The following ASTN2 variants were observed in gnomAD, a reference collection of about 807,000 sequenced individuals.
ASTN2 encodes the protein astrotactin-2.
In ASTN2, 54 loss-of-function variants were observed where a neutral mutation model predicts 139.8. The ratio of observed to expected loss-of-function variants is 0.39; its 90% CI spans 0.31 to 0.48. The LOEUF (loss-of-function observed/expected upper bound fraction) is 0.48, where lower values mean the gene tolerates loss of function less well. ASTN2 is among the 20% of genes least tolerant of loss of function. The pLI is 0.95. For missense variants in ASTN2, 1,565 were observed against 1,725.1 expected, an observed-to-expected ratio of 0.91 and a Z score of 1.64; for synonymous variants, 756 against 719.5, an observed-to-expected ratio of 1.05 and a Z score of -0.81.
At chr9:116,737,098 A>C (rs1828946138) in intron 13 of ASTN2, among the ~76,000 whole-genome samples, 1 of 152,192 alleles carries the variant, frequency 6.6e-6, no homozygotes, top group Non-Finnish European at 1.5e-5. Flanking sequence ...CCAATATGGA[A>C]GACTGGGAAG....
At chr9:116,676,742 G>T (rs1449359752) in intron 16 of ASTN2, among the ~76,000 whole-genome samples, 1 of 152,216 alleles carries the variant, frequency 6.6e-6, no homozygotes, top group African/African-American at 2.4e-5. Flanking sequence ...AGTAGCCAAG[G>T]CTTTATCTTT....
intron 5 of ASTN2, among the ~76,000 whole-genome samples, chr9:117,052,862 T>C (rs1020747483): frequency 1.6e-4 from 25 of 152,220 alleles, no homozygotes; most frequent in Non-Finnish European, 3.2e-4. Context: ...GATTCAAAAC[T>C]GTGTGATGTT....
intron 15 of ASTN2, among the ~76,000 whole-genome samples, chr9:116,726,872 T>C (rs1564234632): frequency 1.3e-5 from 2 of 152,174 alleles, no homozygotes; most frequent in South Asian, 4.1e-4. Context: ...TGACCTTCTT[T>C]AGAAATTCAA....
At chr9:117,308,695 T>G (rs1835064381) in intron 1 of ASTN2, among the ~76,000 whole-genome samples, 1 of 137,164 alleles carries the variant, frequency 7.3e-6, no homozygotes, top group African/African-American at 2.5e-5. Flanking sequence ...GACAGGAGAA[T>G]GGACAGGATT....
At chr9:117,177,409 G>A (rs565477906) in intron 3 of ASTN2, among the ~76,000 whole-genome samples, 1 of 152,242 alleles carries the variant, frequency 6.6e-6, no homozygotes, top group South Asian at 2.1e-4. Context: ...TCCACCGCCC[G>A]GTGTTAATGT....
chr9:117,027,098 G>C (rs1050426485), intron 6 of ASTN2, among the ~76,000 whole-genome samples: 20 of 152,190 alleles, frequency 1.3e-4, no homozygotes, highest in African/African-American at 4.8e-4. Flanking sequence ...ACTCGACTTA[G>C]ACTGAAAGGA....
intron 10 of ASTN2, among the ~76,000 whole-genome samples, chr9:116,961,179 C>T (rs1446047600): frequency 1.3e-5 from 2 of 151,224 alleles, no homozygotes; most frequent in African/African-American, 4.9e-5. Context: ...TTCTTCCCCC[C>T]ACCCAGCCCC....
At chr9:116,997,774 T>C (rs138349822) in intron 7 of ASTN2, among the ~76,000 whole-genome samples, 4 of 152,328 alleles carry the variant, frequency 2.6e-5, no homozygotes, top group Non-Finnish European at 5.9e-5. Context: ...TGAGAATAGC[T>C]ATATAAAGTC....
intron 11 of ASTN2, among the ~76,000 whole-genome samples, chr9:116,849,343 T>C (rs1832526439): frequency 6.6e-6 from 1 of 152,154 alleles, no homozygotes; most frequent in South Asian, 2.1e-4. Context: ...CCCTCTAATC[T>C]TGTCTTGGCC....
intron 19 of ASTN2, among the ~76,000 whole-genome samples, chr9:116,514,336 G>T (rs1419779529): frequency 6.6e-6 from 1 of 150,502 alleles, no homozygotes; most frequent in Non-Finnish European, 1.5e-5. Context: ...AACAGCAAAT[G>T]TTGCGGCCTG....
intron 5 of ASTN2, among the ~76,000 whole-genome samples, chr9:117,076,631 A>G (rs1828287353): frequency 6.6e-6 from 1 of 152,120 alleles, no homozygotes; most frequent in African/African-American, 2.4e-5. Flanking sequence ...ACCAGTTAGG[A>G]GGCTGTTACA....
At chr9:116,505,527 C>A (rs1215089074) in intron 19 of ASTN2, among the ~76,000 whole-genome samples, 1 of 152,162 alleles carries the variant, frequency 6.6e-6, no homozygotes, top group Admixed American at 6.5e-5. Context: ...CCTTTAGCAT[C>A]CTCTTGTGTA....
At chr9:116,500,924 A>G (rs1422241969) in intron 19 of ASTN2, among the ~76,000 whole-genome samples, 4 of 152,206 alleles carry the variant, frequency 2.6e-5, no homozygotes. Flanking sequence ...AAACTAGGGA[A>G]AGTGAATTAT....
chr9:116,816,171 G>C (rs974071083), intron 12 of ASTN2, among the ~76,000 whole-genome samples: 1 of 152,122 alleles, frequency 6.6e-6, no homozygotes, highest in African/African-American at 2.4e-5. Context: ...GTCTTTATGT[G>C]AGTAAAATAA....
chr9:117,287,420 T>C (rs946986188), intron 2 of ASTN2, among the ~76,000 whole-genome samples: 1 of 152,168 alleles, frequency 6.6e-6, no homozygotes, highest in African/African-American at 2.4e-5. Context: ...AACGGATGCA[T>C]AGAGAAGGAA....
intron 10 of ASTN2, among the ~76,000 whole-genome samples, chr9:116,903,541 C>T (rs915232354): frequency 1.3e-5 from 2 of 152,116 alleles, no homozygotes; most frequent in African/African-American, 4.8e-5. Flanking sequence ...ACATAGATAC[C>T]ACTCAACAGG....
intron 19 of ASTN2, among the ~76,000 whole-genome samples, chr9:116,519,149 C>A: frequency 6.6e-6 from 1 of 151,944 alleles, no homozygotes; most frequent in Non-Finnish European, 1.5e-5. Flanking sequence ...TACCCTAAAA[C>A]AAATGGACTT....
At chr9:116,753,912 A>T (rs1001423948) in intron 13 of ASTN2, among the ~76,000 whole-genome samples, 4 of 151,906 alleles carry the variant, frequency 2.6e-5, no homozygotes, top group Non-Finnish European at 5.9e-5. Context: ...CGTCACCTAC[A>T]TTACATATTT....
chr9:117,130,009 A>G (rs1301401139), intron 4 of ASTN2, among the ~76,000 whole-genome samples: 2 of 152,116 alleles, frequency 1.3e-5, no homozygotes, highest in Non-Finnish European at 2.9e-5. Flanking sequence ...ATTTTGTTTA[A>G]TATATCCTAT....
Sources: gnomAD v4.1 joint callset for allele counts (sites outside exome capture counted in the v4.1 genomes callset) on GRCh38, gnomAD v4.1.1 for gene constraint, MANE v1.5 for transcripts, NCBI Gene and HGNC (gene_info 2026-07-23, HGNC 2026-07-21) for gene names.